CABIN1: variants seen among roughly 807,000 people sequenced by gnomAD.
CABIN1 encodes calcineurin binding protein 1, also known as calcineurin-binding protein cabin-1.
In CABIN1, 133 loss-of-function variants were observed where a neutral mutation model predicts 227.7. The observed-to-expected ratio is 0.58, with a 90% confidence interval of 0.51 to 0.67. The LOEUF (loss-of-function observed/expected upper bound fraction) is 0.67, where lower values mean the gene tolerates loss of function less well. Ranked by LOEUF, CABIN1 falls within the 30% of genes least tolerant of loss-of-function variation. The pLI is 0.00. For synonymous variants in CABIN1, 1,086 were observed against 1,155.1 expected (o/e 0.94, Z 1.21); for missense variants, 2,408 against 2,852.5 (o/e 0.84, Z 3.55).
At chr22:24,109,665 G>C (rs1469205281) in intron 26 of CABIN1, among the ~76,000 whole-genome samples, 1 of 152,152 alleles carries the variant, frequency 6.6e-6, no homozygotes, top group East Asian at 1.9e-4. Context: ...GACTGTGTCT[G>C]CCTTTCTCCT....
In CABIN1 at chr22:24,177,974, G is replaced by A. The variant is rs1442853703; in HGVS notation, c.6520-79G>A. The A allele has an allele frequency of 1.9e-6, 3 of 1,602,318 alleles. No individual in the cohort carries two copies. Among genetic ancestry groups the A allele is most frequent in the Non-Finnish European group, 2.6e-6 (3 of 1,175,632 alleles). On this transcript the variant is annotated intron_variant, in intron 36 of 36. Coordinates refer to ENST00000263119, the MANE Select transcript of CABIN1 (RefSeq NM_012295.4). This position sits in a 1 kb window ranked among gnomAD's most constrained non-coding sequence, Gnocchi z 4.4. The stretch of plus-strand genomic sequence containing the variant: ...GGTGAGGGTGGGAGGGGGGCCTGGG[G>A]CAGGGGTGAAGGTGGCAGAGGGGCT...
intron 28 of CABIN1, among the ~76,000 whole-genome samples, chr22:24,131,222 C>T (rs1396253778): frequency 2.0e-5 from 3 of 151,516 alleles, no homozygotes; most frequent in African/African-American, 7.2e-5. Flanking sequence ...AAGTCAGGGT[C>T]TCACATCTCC....
At chr22:24,054,754 T>A in intron 8 of CABIN1, 119 bp from the exon 9 acceptor site, 8 of 1,245,742 alleles carry the variant, frequency 6.4e-6, no homozygotes, top group Non-Finnish European at 9.4e-6. Context: ...CCCACCCCCA[T>A]GGACATGGCA....
chr22:24,172,202 A>T (rs2046857222), intron 34 of CABIN1, among the ~76,000 whole-genome samples: 1 of 151,328 alleles, frequency 6.6e-6, no homozygotes, highest in African/African-American at 2.4e-5. Flanking sequence ...TACATCTACC[A>T]CTCTTAACCT....
At position 24,177,607 on chromosome 22, in the gene CABIN1, C is replaced by A; in HGVS notation, c.6309C>A (p.Ala2103=). The A allele has an allele frequency of 6.2e-7, 1 of 1,612,498 alleles. No homozygotes were observed. Among genetic ancestry groups the A allele is most frequent in the East Asian group, 2.2e-5 (1 of 44,856 alleles). Residue 2103 remains alanine (A), a synonymous_variant, in exon 36 of 37, where the codon GCC becomes GCA. Coordinates refer to ENST00000263119, the MANE Select transcript of CABIN1 (RefSeq NM_012295.4). The surrounding 1 kb of genome is among the most constrained non-coding windows in gnomAD (Gnocchi z 4.4). ...CCCCAACAGCTGCCAGCTCCAAGGCCCCCAGCAGTGGGAGTGCCCAGCCAC... is the reference window on the plus strand; with the variant it reads ...CCCCAACAGCTGCCAGCTCCAAGGCACCCAGCAGTGGGAGTGCCCAGCCAC... ...SSPPTAASSK[A]PSSGSAQPPE...
At chr22:24,155,313 G>A (rs994180809) in intron 29 of CABIN1, among the ~76,000 whole-genome samples, 1 of 152,076 alleles carries the variant, frequency 6.6e-6, no homozygotes, top group Non-Finnish European at 1.5e-5. Flanking sequence ...CTTCCAGGCC[G>A]GAGAGCGACC....
At chr22:24,055,841 G>A (rs564199063) in intron 9 of CABIN1, among the ~76,000 whole-genome samples, 3 of 152,318 alleles carry the variant, frequency 2.0e-5, no homozygotes, top group Admixed American at 2.0e-4. Context: ...GTACTGGGTA[G>A]GGTCATAGCC....
At chr22:24,141,262 C>G (rs1347458765) in intron 29 of CABIN1, among the ~76,000 whole-genome samples, 1 of 152,228 alleles carries the variant, frequency 6.6e-6, no homozygotes, top group Admixed American at 6.5e-5. Context: ...ACCCACCACA[C>G]AGGTCTCTTT....
chr22:24,094,111 G>A lies in CABIN1; in HGVS notation c.3787-1820G>A, dbSNP rs550719648. On this transcript the variant is annotated intron_variant, in intron 24 of 36. Transcript: ENST00000263119. ...GGTGAGAAGGGTAAGGCCCAGAGGA[G>A]TGATGTGATGACTTGCCTTAAGTCA... Among the ~76,000 whole-genome samples, 132 of 152,300 alleles carry A rather than the reference G, an allele frequency of 8.7e-4. 1 individual carries two copies. Among genetic ancestry groups the A allele is most frequent in the Admixed American group, 3.1e-3 (48 of 15,306 alleles).
Position 24,066,977 on chromosome 22 carries a change from C to G in CABIN1, c.2038-10C>G, listed in dbSNP as rs2039728879. On this transcript the variant is annotated splice_polypyrimidine_tract_variant and intron_variant, in intron 15 of 36. Coordinates refer to ENST00000263119, the MANE Select transcript of CABIN1 (RefSeq NM_012295.4). ...TTTACCCTCATACAGCATTGCCGGG[C>G]CTTTTTCAGATTGATAAGAACCTGA... is the stretch of plus-strand genomic sequence containing the variant. 6.2e-7 allele frequency: 1 copy of G among 1,614,124 alleles called. No homozygotes were observed. The highest frequency in any genetic ancestry group is 8.5e-7 in the Non-Finnish European group (1 of 1,179,968).
At chr22:24,175,074 A>G (rs1241132272) in intron 34 of CABIN1, among the ~76,000 whole-genome samples, 1 of 152,228 alleles carries the variant, frequency 6.6e-6, no homozygotes, top group South Asian at 2.1e-4. Context: ...GTTTCCTAGC[A>G]TACCTTCTTC....
intron 29 of CABIN1, among the ~76,000 whole-genome samples, chr22:24,161,344 G>A (rs893392926): frequency 1.3e-5 from 2 of 152,240 alleles, no homozygotes; most frequent in African/African-American, 4.8e-5. Flanking sequence ...AGCCACTGTG[G>A]CCATCAGGGA....
At chr22:24,093,685 C>CG (rs2041700118) in intron 24 of CABIN1, among the ~76,000 whole-genome samples, 1 of 151,782 alleles carries the variant, frequency 6.6e-6, no homozygotes, top group East Asian at 1.9e-4. Flanking sequence ...CAGAGACTAG[C>CG]GGGCAACATG....
rs201370185 is a variant in CABIN1, at chr22:24,173,988, G to GTT, written c.6040+2008_6040+2009dup. Among the ~76,000 whole-genome samples the GTT allele has an allele frequency of 1.1e-4, 16 of 141,794 alleles. No individual in the cohort carries two copies. In the Admixed American group the frequency reaches 1.1e-3, roughly 10 times the overall value. 93.0% of individuals were successfully genotyped at this position (141,794 alleles called of 152,430 possible). The stretch of plus-strand genomic sequence containing the variant: ...GGCGTTAAGCAGAGACTTGGTATGG[G>GTT]TTTTTTTTTTTTTTTTAATTTTTAT... On this transcript the variant is annotated intron_variant, in intron 34 of 36. Coordinates refer to ENST00000263119, the MANE Select transcript of CABIN1 (RefSeq NM_012295.4).
At chr22:24,077,710 G>T (rs895403298) in intron 19 of CABIN1, among the ~76,000 whole-genome samples, 6 of 152,174 alleles carry the variant, frequency 3.9e-5, no homozygotes, top group Non-Finnish European at 8.8e-5. Context: ...CCAACCCTCT[G>T]CAGGGACAGT....
chr22:24,162,072 A>G (rs1289538824), intron 29 of CABIN1: 1 of 152,286 alleles, frequency 6.6e-6, no homozygotes, highest in East Asian at 1.9e-4. Flanking sequence ...ACAGAAGCCC[A>G]GCTCCACCTG....
chr22:24,045,334 GGTAGCTACAGGTAGCATGCCTGTA>G (rs2037780917), intron 6 of CABIN1, among the ~76,000 whole-genome samples: 1 of 152,244 alleles, frequency 6.6e-6, no homozygotes, highest in East Asian at 1.9e-4. Context: ...CACCAGGTGT[GGTAGCTACAGGTAGCATGCCTGTA>G]GTCCCAACAC....
chr22:24,157,525 C>T (rs557742748), intron 29 of CABIN1, among the ~76,000 whole-genome samples: 1 of 152,268 alleles, frequency 6.6e-6, no homozygotes, highest in Non-Finnish European at 1.5e-5. Flanking sequence ...GCTGGCTGCC[C>T]TGGAACAAGT....
chr22:24,178,573 C>G lies in CABIN1; in HGVS notation c.*377C>G, dbSNP rs1184172167. 3 of 315,232 alleles carry G rather than the reference C, an allele frequency of 9.5e-6. No homozygotes were observed. The East Asian group carries it at 2.3e-4, about 24-fold the overall frequency. 19.5% of individuals were successfully genotyped at this position (315,232 alleles called of 1,614,324 possible). A position where few individuals can be genotyped will look rare whatever the true frequency, so the allele number is the denominator to read the frequency against. On this transcript the variant is annotated 3_prime_UTR_variant, in exon 37 of 37. Transcript: ENST00000263119. ...GTCACAGTGGAGGGGTCCTTTAGGG[C>G]CAGGCTCACCCCTCACCCTTTTTTT...
Sources: allele counts gnomAD v4.1 joint callset (sites outside exome capture counted in the v4.1 genomes callset), GRCh38; gene constraint gnomAD v4.1.1; non-coding constraint Gnocchi (gnomAD v3.1); transcripts MANE v1.5; gene names NCBI Gene and HGNC (gene_info 2026-07-23, HGNC 2026-07-21).